The following WDR70 variants were observed in gnomAD, a reference collection of about 807,000 sequenced individuals.
WDR70 encodes WD repeat-containing protein 70.
A neutral mutation model predicts 88.6 loss-of-function variants in WDR70; 53 were observed. The ratio of observed to expected loss-of-function variants is 0.60; its 90% CI spans 0.48 to 0.75. WDR70 has a LOEUF of 0.75. Among genes scored for constraint, WDR70 ranks in the 30% least tolerant of loss-of-function variants. WDR70 has a pLI of 0.00. For missense variants in WDR70, 610 were observed against 823.2 expected (o/e 0.74, Z 3.17); for synonymous variants, 280 against 270.0 (o/e 1.04, Z -0.36).
Position 37,600,078 on chromosome 5 carries a change from A to G in WDR70, c.918-4986A>G, listed in dbSNP as rs564566608. Among the ~76,000 whole-genome samples the G allele has an allele frequency of 2.7e-4, 41 of 152,120 alleles. No individual in the cohort carries two copies. The East Asian group carries it at 6.4e-3, about 24-fold the overall frequency. ...CAAAAGCACAAATGATGAAAGAGGG[A>G]AAAAAAAGATAAGTTGGACTTCATC... On this transcript the variant is annotated intron_variant, in intron 9 of 17. Coordinates refer to ENST00000265107, the MANE Select transcript of WDR70 (RefSeq NM_018034.4).
At chr5:37,549,684 T>C (rs1223121876) in intron 9 of WDR70, among the ~76,000 whole-genome samples, 1 of 152,214 alleles carries the variant, frequency 6.6e-6, no homozygotes. Flanking sequence ...TGAATAACAG[T>C]GGTGAAAGTG....
At chr5:37,580,383 G>A (rs1743184500) in intron 9 of WDR70, among the ~76,000 whole-genome samples, 2 of 152,152 alleles carry the variant, frequency 1.3e-5, no homozygotes, top group African/African-American at 4.8e-5. Flanking sequence ...AAGATAAAGA[G>A]GGCTTCAAAT....
intron 9 of WDR70, among the ~76,000 whole-genome samples, chr5:37,546,726 C>A (rs1742008272): frequency 6.6e-6 from 1 of 152,094 alleles, no homozygotes; most frequent in Non-Finnish European, 1.5e-5. Context: ...CAAGACCAGC[C>A]TGGCCAACAT....
chr5:37,581,717 C>T (rs1382563166), intron 9 of WDR70, among the ~76,000 whole-genome samples: 1 of 152,168 alleles, frequency 6.6e-6, no homozygotes, highest in South Asian at 2.1e-4. Flanking sequence ...GTAAAAAGTA[C>T]ACATATATAC....
chr5:37,415,513 A>AC (rs1318965226), intron 5 of WDR70, among the ~76,000 whole-genome samples: 3 of 44,082 alleles, frequency 6.8e-5, no homozygotes, highest in African/African-American at 2.2e-4. Flanking sequence ...GGGGGGCCTG[A>AC]CCCCCCCACC....
intron 5 of WDR70, among the ~76,000 whole-genome samples, chr5:37,413,154 C>T (rs1241313810): frequency 1.3e-5 from 2 of 152,106 alleles, no homozygotes; most frequent in Non-Finnish European, 2.9e-5. Context: ...AACCCAGTGA[C>T]TATGTTCCTT....
At chr5:37,575,354 G>A (rs988689889) in intron 9 of WDR70, among the ~76,000 whole-genome samples, 5 of 152,098 alleles carry the variant, frequency 3.3e-5, no homozygotes, top group Non-Finnish European at 5.9e-5. Flanking sequence ...AATTTTCTGG[G>A]TGATAGAAGC....
chr5:37,744,883 T>G (rs1748594014), intron 17 of WDR70, among the ~76,000 whole-genome samples: 1 of 151,994 alleles, frequency 6.6e-6, no homozygotes, highest in Non-Finnish European at 1.5e-5. Context: ...CCAGGAGAAC[T>G]TCCCCAACCT....
At chr5:37,532,071 G>C (rs1384910914) in intron 9 of WDR70, among the ~76,000 whole-genome samples, 1 of 152,124 alleles carries the variant, frequency 6.6e-6, no homozygotes, top group Non-Finnish European at 1.5e-5. Context: ...TGTTTAAGGA[G>C]GCTAAAAACA....
chr5:37,529,664 A>G (rs529795706), intron 9 of WDR70, among the ~76,000 whole-genome samples: 3 of 152,198 alleles, frequency 2.0e-5, no homozygotes, highest in Non-Finnish European at 4.4e-5. Context: ...TGATTTGTGT[A>G]CATTAATTTT....
At chr5:37,515,033 A>AG (rs1740845513) in intron 8 of WDR70, among the ~76,000 whole-genome samples, 2 of 152,016 alleles carry the variant, frequency 1.3e-5, no homozygotes, top group South Asian at 4.1e-4. Flanking sequence ...AAAAAAAAAA[A>AG]AAGAAAAAGC....
At chr5:37,700,331 A>T in intron 11 of WDR70, 1 of 152,268 alleles carries the variant, frequency 6.6e-6, no homozygotes, top group East Asian at 1.9e-4. Context: ...TATTTTTAAG[A>T]TACATATGGA....
intron 17 of WDR70, among the ~76,000 whole-genome samples, chr5:37,744,740 G>A (rs1483939420): frequency 2.6e-5 from 4 of 151,734 alleles, no homozygotes; most frequent in Non-Finnish European, 4.4e-5. Flanking sequence ...AGAGAAAAAA[G>A]AATGAAAAGG....
chr5:37,591,045 A>T (rs946859801), intron 9 of WDR70, among the ~76,000 whole-genome samples: 6 of 152,204 alleles, frequency 3.9e-5, no homozygotes, highest in Admixed American at 1.3e-4. Context: ...ATTGATGATT[A>T]AAAAAGGAGA....
chr5:37,485,859 T>TTA, intron 8 of WDR70, among the ~76,000 whole-genome samples: 1 of 1,944 alleles, frequency 5.1e-4, no homozygotes. Context: ...GCCTGGCTAA[T>TTA]TTTTTTTTTT....
At chr5:37,566,600 C>A (rs895896952) in intron 9 of WDR70, among the ~76,000 whole-genome samples, 2 of 152,062 alleles carry the variant, frequency 1.3e-5, no homozygotes, top group African/African-American at 4.8e-5. Flanking sequence ...CTTAGAAACA[C>A]CCCATTTTTG....
intron 10 of WDR70, among the ~76,000 whole-genome samples, chr5:37,690,041 T>C (rs1009695642): frequency 2.0e-5 from 3 of 152,158 alleles, no homozygotes; most frequent in Non-Finnish European, 4.4e-5. Context: ...CTGAAAACCA[T>C]GGCACGAGAA....
At chr5:37,388,389 TAC>T (rs1364830215) in intron 3 of WDR70, among the ~76,000 whole-genome samples, 1 of 149,580 alleles carries the variant, frequency 6.7e-6, no homozygotes, top group Non-Finnish European at 1.5e-5. Flanking sequence ...GTGTTGGGAT[TAC>T]AGGCGTGAGC....
At chr5:37,380,465 A>T (rs2111837114) in intron 2 of WDR70, among the ~76,000 whole-genome samples, 1 of 151,372 alleles carries the variant, frequency 6.6e-6, no homozygotes, top group East Asian at 1.9e-4. Context: ...CAGCCTCCCG[A>T]GTAGCTGGGA....
Sources: allele counts gnomAD v4.1 joint callset (sites outside exome capture counted in the v4.1 genomes callset), GRCh38; gene constraint gnomAD v4.1.1; transcripts MANE v1.5; gene names NCBI Gene and HGNC (gene_info 2026-07-23, HGNC 2026-07-21).